Variants in USP47 observed in about 807,000 individuals in gnomAD.
USP47 encodes ubiquitin specific peptidase 47.
USP47 carries 35 observed loss-of-function variants against 165.1 expected under a neutral mutation model. The observed-to-expected ratio is 0.21, with a 90% CI of 0.16 to 0.28. The LOEUF (loss-of-function observed/expected upper bound fraction) is 0.28, where lower values mean the gene tolerates loss of function less well. Among genes scored for constraint, USP47 ranks in the 10% least tolerant of loss-of-function variants. USP47 has a pLI of 1.00. For synonymous variants in USP47, 531 were observed against 544.5 expected (o/e 0.98, Z 0.35); for missense variants, 1,277 against 1,607.4 (o/e 0.79, Z 3.52).
chr11:11,862,597 A>T (rs1388820189), intron 1 of USP47, among the ~76,000 whole-genome samples: 8 of 152,174 alleles, frequency 5.3e-5, no homozygotes, highest in Non-Finnish European at 8.8e-5. Context: ...GGAAAATAAA[A>T]TTTTTTGAGA....
chr11:11,891,898 G>A, intron 3 of USP47, 70 bp from the exon 4 acceptor site: 1 of 1,545,378 alleles, frequency 6.5e-7, no homozygotes, highest in Non-Finnish European at 8.7e-7. Flanking sequence ...CCTTCCTACA[G>A]GAAATGGTGA....
Position 11,956,629 on chromosome 11 carries a change from A to G in USP47, c.*454A>G, listed in dbSNP as rs1401765330. The G allele has an allele frequency of 3.9e-5, 6 of 153,040 alleles. No individual in the cohort carries two copies. Among genetic ancestry groups the G allele is most frequent in the Non-Finnish European group, 7.3e-5 (5 of 68,338 alleles). The allele number at this position is 153,040 out of a possible 1,614,324, so 9.5% of individuals were successfully genotyped here. ...GCACACATTACCTCATTGACAATTC[A>G]GAAGTAAATCCAACGTGTGTTGACT... is the stretch of plus-strand genomic sequence containing the variant. On this transcript the variant is annotated 3_prime_UTR_variant, in exon 28 of 28. Coordinates refer to ENST00000527733, the MANE Select transcript of USP47 (RefSeq NM_001282659.2).
Position 11,846,692 on chromosome 11 carries a change from A to G in USP47, c.39+4468A>G, listed in dbSNP as rs1481688280. Among the ~76,000 whole-genome samples, 2 of 152,190 alleles carry G rather than the reference A, an allele frequency of 1.3e-5. 1 individual carries two copies. On this transcript the variant is annotated intron_variant, in intron 1 of 27. Coordinates refer to ENST00000527733, the MANE Select transcript of USP47 (RefSeq NM_001282659.2). ...TTGAGCTTCACAGCAACCTCAGAGT[A>G]CATAAGACACATTGATAGCAAAAAC... is the stretch of plus-strand genomic sequence containing the variant.
intron 21 of USP47, 54 bp from the exon 22 acceptor site, chr11:11,948,424 G>A (rs72857639): frequency 0.15 from 221,961 of 1,451,966 alleles, 18,649 homozygotes; most frequent in Middle Eastern, 0.34. Flanking sequence ...GGATGAGAAT[G>A]GGTTGTTTAT....
chr11:11,848,291 A>G (rs951939124), intron 1 of USP47, among the ~76,000 whole-genome samples: 1 of 152,224 alleles, frequency 6.6e-6, no homozygotes, highest in African/African-American at 2.4e-5. Context: ...TTAGCCTGCT[A>G]CACACCTAGG....
intron 1 of USP47, among the ~76,000 whole-genome samples, chr11:11,854,116 C>A (rs1267614268): frequency 1.6e-5 from 2 of 126,426 alleles, no homozygotes; most frequent in Non-Finnish European, 3.4e-5. Flanking sequence ...GCTAGGGGGA[C>A]AGGGCGAGAC....
intron 4 of USP47, 137 bp downstream of exon 4, chr11:11,892,243 G>A: frequency 1.2e-6 from 1 of 842,454 alleles, no homozygotes; most frequent in Non-Finnish European, 1.7e-6. Flanking sequence ...CAGCCGCAAA[G>A]TTAGAAGAAG....
intron 1 of USP47, among the ~76,000 whole-genome samples, chr11:11,852,494 A>G (rs920723237): frequency 3.9e-5 from 6 of 152,074 alleles, no homozygotes; most frequent in African/African-American, 1.4e-4. Context: ...AACACCACAT[A>G]ATGCTTCAGC....
chr11:11,909,870 C>G (rs907199653), intron 8 of USP47, among the ~76,000 whole-genome samples: 4 of 152,124 alleles, frequency 2.6e-5, no homozygotes, highest in African/African-American at 9.7e-5. Context: ...AAATCAAAAG[C>G]ATTTCAACTA....
At chr11:11,863,683 A>G (rs1456349089) in intron 1 of USP47, among the ~76,000 whole-genome samples, 1 of 152,186 alleles carries the variant, frequency 6.6e-6, no homozygotes, top group Non-Finnish European at 1.5e-5. Context: ...CTACAAATGC[A>G]TTCTTAGTTA....
chr11:11,890,321 C>A (rs1851432545), intron 3 of USP47, among the ~76,000 whole-genome samples: 1 of 152,074 alleles, frequency 6.6e-6, no homozygotes, highest in Non-Finnish European at 1.5e-5. Flanking sequence ...GGTCTAATAT[C>A]CAGAATCTAC....
chr11:11,884,434 C>A, intron 2 of USP47, 33 bp from the exon 3 acceptor site: 1 of 1,444,076 alleles, frequency 6.9e-7, no homozygotes, highest in Admixed American at 2.3e-5. Context: ...TTATGTTTCT[C>A]ATAATCTGAA....
At chr11:11,850,118 C>T (rs1848642669) in intron 1 of USP47, among the ~76,000 whole-genome samples, 1 of 151,858 alleles carries the variant, frequency 6.6e-6, no homozygotes, top group Non-Finnish European at 1.5e-5. Flanking sequence ...TTAATTCATT[C>T]TGCTAATCCT....
intron 2 of USP47, 24 bp downstream of exon 2, chr11:11,880,404 T>C (rs1348443596): frequency 2.1e-5 from 26 of 1,267,210 alleles, no homozygotes; most frequent in Non-Finnish European, 2.5e-5. Context: ...CTTAAGCTTC[T>C]AAAAATGTTA....
intron 15 of USP47, 47 bp downstream of exon 15, chr11:11,933,163 C>T (rs1038074388): frequency 1.4e-6 from 2 of 1,464,520 alleles, no homozygotes; most frequent in Non-Finnish European, 9.5e-7. Context: ...TATTTTTAAG[C>T]TCGCTTACCT....
chr11:11,877,805 CTGTGTGTGTGTGTGTGTGTG>C (rs10577564), intron 1 of USP47, among the ~76,000 whole-genome samples: 1,470 of 71,148 alleles, frequency 0.021, 35 homozygotes, highest in African/African-American at 0.06. Flanking sequence ...CTCTCTCTCT[CTGTGTGTGTGTGTGTGTGTG>C]TGTGTGTGTG....
intron 1 of USP47, among the ~76,000 whole-genome samples, chr11:11,850,609 AAG>A (rs1412289892): frequency 6.6e-6 from 1 of 151,526 alleles, no homozygotes; most frequent in Non-Finnish European, 1.5e-5. Flanking sequence ...GTGCTTATTT[AAG>A]AGAGAGGCCC....
chr11:11,931,574 G>A (rs921382741), intron 14 of USP47, among the ~76,000 whole-genome samples: 4 of 152,112 alleles, frequency 2.6e-5, no homozygotes, highest in Admixed American at 6.6e-5. Context: ...TGTCCCTCAC[G>A]TGGACCCAAC....
rs1331585960 is a variant in USP47, at chr11:11,941,203, T to C, written c.2313+655T>C. Reference sequence around the variant, plus strand: ...TTAGTATTTTATTACTAATATGTAATTTTTATTCACCTACACTTCTAAAAC... The same window carrying C: ...TTAGTATTTTATTACTAATATGTAACTTTTATTCACCTACACTTCTAAAAC... On this transcript the variant is annotated intron_variant, in intron 19 of 27. Transcript: ENST00000527733. Among the ~76,000 whole-genome samples the C allele has an allele frequency of 2.0e-5, 3 of 152,000 alleles. No individual in the cohort carries two copies. In the East Asian group the frequency reaches 5.8e-4, roughly 29 times the overall value.
Sources: allele counts gnomAD v4.1 joint callset (sites outside exome capture counted in the v4.1 genomes callset), GRCh38; gene constraint gnomAD v4.1.1; transcripts MANE v1.5; gene names NCBI Gene and HGNC (gene_info 2026-07-23, HGNC 2026-07-21).